KDELR2: variants seen among roughly 807,000 people sequenced by gnomAD.
KDELR2 encodes ER lumen protein-retaining receptor 2.
A neutral mutation model predicts 23.9 loss-of-function variants in KDELR2; 15 were observed. The observed-to-expected ratio is 0.63, with a 90% CI of 0.42 to 0.97. The LOEUF is 0.97. KDELR2 is among the 50% of genes least tolerant of loss of function. The pLI is 0.00. For synonymous variants in KDELR2, 119 were observed against 106.2 expected, an observed-to-expected ratio of 1.12 and a Z score of -0.74; for missense variants, 272 against 254.6, an observed-to-expected ratio of 1.07 and a Z score of -0.46.
intron 1 of KDELR2, among the ~76,000 whole-genome samples, chr7:6,478,054 C>T (rs755933362): frequency 6.6e-6 from 1 of 152,154 alleles, no homozygotes; most frequent in East Asian, 1.9e-4. Flanking sequence ...TGCCAATTTA[C>T]GTATCTACTA....
intron 2 of KDELR2, 96 bp from the exon 3 acceptor site, chr7:6,469,850 A>AT: frequency 7.5e-6 from 8 of 1,065,738 alleles, no homozygotes; most frequent in South Asian, 1.9e-5. Flanking sequence ...GAAAGGCAAG[A>AT]TTTTTTTCCT....
chr7:6,482,692 A>G lies in KDELR2; in HGVS notation c.91+1275T>C, dbSNP rs73674121. The G allele has an allele frequency of 5.4e-3, 1,789 of 329,392 alleles. 33 individuals are homozygous for G. Among genetic ancestry groups the G allele is most frequent in the African/African-American group, 0.037 (1,684 of 45,902 alleles). The allele number at this position is 329,392 out of a possible 1,614,324, so 20.4% of individuals were successfully genotyped here. A position where few individuals can be genotyped will look rare whatever the true frequency, so the allele number is the denominator to read the frequency against. On this transcript the variant is annotated intron_variant, in intron 1 of 4. Coordinates refer to ENST00000258739, the MANE Select transcript of KDELR2 (RefSeq NM_006854.4). Reference sequence around the variant, plus strand: ...CTCTGCACCCAGATAATTCAGGATCATCTTTTACTGCCTCTGAAAAAATTA... The same window carrying G: ...CTCTGCACCCAGATAATTCAGGATCGTCTTTTACTGCCTCTGAAAAAATTA...
At position 6,473,727 on chromosome 7, in the gene KDELR2, A is replaced by T. The variant is rs1335188446; in HGVS notation, c.192+457T>A. On this transcript the variant is annotated intron_variant, in intron 2 of 4. Coordinates refer to ENST00000258739, the MANE Select transcript of KDELR2 (RefSeq NM_006854.4). ...TAAAACTGACTCAGTGGCAAAGAAA[A>T]AAGATAGAAGCCTATAGACAGTTCC... Among the ~76,000 whole-genome samples, 11 of 152,202 alleles carry T rather than the reference A, an allele frequency of 7.2e-5. 1 individual carries two copies. Among genetic ancestry groups the T allele is most frequent in the African/African-American group, 2.7e-4 (11 of 41,444 alleles).
At chr7:6,482,709 A>C in intron 1 of KDELR2, 1 of 284,062 alleles carries the variant, frequency 3.5e-6, no homozygotes, top group Admixed American at 4.6e-5. Flanking sequence ...ACTGCCTCTG[A>C]AAAAATTAAG....
At chr7:6,467,414 C>G (rs1211563335) in intron 3 of KDELR2, among the ~76,000 whole-genome samples, 1 of 152,130 alleles carries the variant, frequency 6.6e-6, no homozygotes, top group Non-Finnish European at 1.5e-5. Context: ...CAGCGTATGA[C>G]TTTATTCACG....
chr7:6,480,298 A>G lies in KDELR2; in HGVS notation c.91+3669T>C, dbSNP rs55728493. ...AATTTGAATAGGAAGCCCTTCATCT[A>G]AAACCACCGCTTGTTCTTCCGAGGT... On this transcript the variant is annotated intron_variant, in intron 1 of 4. Transcript: ENST00000258739. 6.0e-3 allele frequency among the ~76,000 whole-genome samples: 908 copies of G among 152,298 alleles called. 6 individuals are homozygous for G. Among genetic ancestry groups the G allele is most frequent in the Non-Finnish European group, 8.7e-3 (593 of 68,012 alleles).
chr7:6,468,764 A>G (rs1242095200), intron 3 of KDELR2, among the ~76,000 whole-genome samples: 1 of 151,108 alleles, frequency 6.6e-6, no homozygotes, highest in Non-Finnish European at 1.5e-5. Context: ...TCAGCCTCCC[A>G]AAGTGCTGGG....
rs1328490404 is a variant in KDELR2 at position 6,484,085 on chromosome 7, A to G, written c.-28T>C. 13 of 1,436,584 alleles carry G rather than the reference A, an allele frequency of 9.0e-6. No individual in the cohort carries two copies. The highest frequency in any genetic ancestry group is 1.5e-5 in the African/African-American group (1 of 67,830). The allele number at this position is 1,436,584 out of a possible 1,614,324, so 89.0% of individuals were successfully genotyped here. A position where few individuals can be genotyped will look rare whatever the true frequency, so the allele number is the denominator to read the frequency against. ...CGGCGGCGGCGGTGGCGGTCGGCGC[A>G]GCGCGGCGGCCCCGGGGCTGGGCGG... On this transcript the variant is annotated 5_prime_UTR_variant, in exon 1 of 5. Transcript: ENST00000258739.
intron 2 of KDELR2, 109 bp downstream of exon 2, chr7:6,474,075 A>C: frequency 1.4e-6 from 1 of 691,122 alleles, no homozygotes; most frequent in South Asian, 1.9e-5. Flanking sequence ...GCATATTAAG[A>C]CATTATTTTT....
intron 1 of KDELR2, among the ~76,000 whole-genome samples, chr7:6,481,631 G>C (rs1785893626): frequency 6.6e-6 from 1 of 151,952 alleles, no homozygotes; most frequent in Non-Finnish European, 1.5e-5. Flanking sequence ...GAGGAGGGAG[G>C]ATCGCTTGAG....
intron 1 of KDELR2, among the ~76,000 whole-genome samples, chr7:6,483,240 A>G (rs771143203): frequency 4.6e-5 from 7 of 152,134 alleles, no homozygotes; most frequent in Non-Finnish European, 7.4e-5. Flanking sequence ...TTTTAAGAGA[A>G]CCCATTATTA....
intron 1 of KDELR2, among the ~76,000 whole-genome samples, chr7:6,483,660 G>C (rs1275937725): frequency 6.6e-6 from 1 of 152,216 alleles, no homozygotes; most frequent in African/African-American, 2.4e-5. Context: ...ACGCCTGTCG[G>C]ACCCCCCGTC....
chr7:6,481,909 C>A (rs993858371), intron 1 of KDELR2, among the ~76,000 whole-genome samples: 1 of 152,156 alleles, frequency 6.6e-6, no homozygotes, highest in Non-Finnish European at 1.5e-5. Flanking sequence ...TTATTCCACT[C>A]CCTAAGACTC....
intron 3 of KDELR2, among the ~76,000 whole-genome samples, chr7:6,468,344 T>C (rs1163411632): frequency 6.6e-6 from 1 of 152,192 alleles, no homozygotes; most frequent in Non-Finnish European, 1.5e-5. Flanking sequence ...TAACTTTTTT[T>C]CTTTAGATGG....
chr7:6,466,412 C>G (rs548378347), intron 3 of KDELR2, 89 bp from the exon 4 acceptor site: 122 of 1,516,090 alleles, frequency 8.0e-5, no homozygotes, highest in Non-Finnish European at 1.1e-4. Flanking sequence ...CACAAAGCAG[C>G]CTAAGATGAG....
intron 2 of KDELR2, among the ~76,000 whole-genome samples, chr7:6,472,897 CTTTTTT>C (rs35369447): frequency 2.7e-5 from 3 of 111,210 alleles, no homozygotes; most frequent in African/African-American, 1.0e-4. Context: ...AGCCCCTGTT[CTTTTTT>C]TTTTTTTTTT....
intron 4 of KDELR2, among the ~76,000 whole-genome samples, chr7:6,464,012 C>G (rs1457234911): frequency 4.1e-5 from 5 of 123,082 alleles, no homozygotes; most frequent in Non-Finnish European, 1.9e-5. Context: ...GCCTGACCAA[C>G]ATAGAGAAAC....
chr7:6,482,982 G>C (rs955413604), intron 1 of KDELR2, among the ~76,000 whole-genome samples: 6 of 150,600 alleles, frequency 4.0e-5, no homozygotes, highest in African/African-American at 1.5e-4. Context: ...TCAAGCCTGG[G>C]TGACAGAGCG....
chr7:6,473,631 G>A (rs562571488), intron 2 of KDELR2, among the ~76,000 whole-genome samples: 1 of 152,298 alleles, frequency 6.6e-6, no homozygotes, highest in South Asian at 2.1e-4. Context: ...ACGTTACTAA[G>A]TAAATGATGG....
Sources: gnomAD v4.1 joint callset for allele counts (sites outside exome capture counted in the v4.1 genomes callset) on GRCh38, gnomAD v4.1.1 for gene constraint, MANE v1.5 for transcripts, NCBI Gene and HGNC (gene_info 2026-07-23, HGNC 2026-07-21) for gene names.